ASIC2: variants seen among roughly 807,000 people sequenced by gnomAD.
ASIC2 encodes acid sensing ion channel subunit 2, also known as acid-sensing ion channel 2.
Under a neutral mutation model 57.3 loss-of-function variants are expected in ASIC2, and 25 were observed. That is an observed-to-expected ratio of 0.44 (90% confidence interval 0.32 to 0.61). The LOEUF (loss-of-function observed/expected upper bound fraction) is 0.61. Ranked by LOEUF, ASIC2 falls within the 20% of genes least tolerant of loss-of-function variation. The pLI is 0.06. For missense variants in ASIC2, 641 were observed against 738.1 expected (o/e 0.87, Z 1.52); for synonymous variants, 319 against 307.5 (o/e 1.04, Z -0.39).
chr17:33,817,616 G>T (rs956120864), intron 1 of ASIC2, among the ~76,000 whole-genome samples: 4 of 152,210 alleles, frequency 2.6e-5, no homozygotes, highest in African/African-American at 9.6e-5. Context: ...CTCCCTGAGA[G>T]CAGTTTTGTC....
chr17:33,790,296 T>C (rs1911731934), intron 1 of ASIC2, among the ~76,000 whole-genome samples: 1 of 152,180 alleles, frequency 6.6e-6, no homozygotes, highest in South Asian at 2.1e-4. Flanking sequence ...TGACCAACTA[T>C]GCTAGACAAA....
chr17:33,228,215 T>C (rs1848248309), intron 1 of ASIC2, among the ~76,000 whole-genome samples: 1 of 152,128 alleles, frequency 6.6e-6, no homozygotes. Context: ...GAAGTCTCCT[T>C]TTGGGATGAT....
chr17:33,571,182 C>T (rs1916425008), intron 1 of ASIC2, among the ~76,000 whole-genome samples: 1 of 152,152 alleles, frequency 6.6e-6, no homozygotes, highest in Non-Finnish European at 1.5e-5. Context: ...GCTATGACCT[C>T]AGGAGCCCTC....
intron 1 of ASIC2, among the ~76,000 whole-genome samples, chr17:33,770,671 T>C (rs942625599): frequency 1.2e-4 from 18 of 152,334 alleles, no homozygotes; most frequent in Middle Eastern, 3.4e-3. Flanking sequence ...ATCAAGCCCA[T>C]GGAGACAGCA....
intron 1 of ASIC2, among the ~76,000 whole-genome samples, chr17:33,896,479 C>T (rs186827561): frequency 5.6e-4 from 85 of 151,994 alleles, no homozygotes; most frequent in African/African-American, 2.0e-3. Context: ...TATGAATATT[C>T]ATTGTCAGTC....
chr17:33,966,002 G>A lies in ASIC2; in HGVS notation c.555+189976C>T, dbSNP rs566529983. Among the ~76,000 whole-genome samples, 10 of 152,314 alleles carry A rather than the reference G, an allele frequency of 6.6e-5. No individual in the cohort carries two copies. In the East Asian group the frequency reaches 1.7e-3, roughly 26 times the overall value. ...TGCAATGCTGGAAAGATGCCAGCCT[G>A]CCAAGGCCTTCACTATGCAGGCTCT... On this transcript the variant is annotated intron_variant, in intron 1 of 9. Transcript: ENST00000359872.
At chr17:33,213,316 T>C (rs450280) in intron 1 of ASIC2, among the ~76,000 whole-genome samples, 106,783 of 152,132 alleles carry the variant, frequency 0.7, 37,746 homozygotes, top group Non-Finnish European at 0.75. Context: ...CCCTGGTGGT[T>C]CGTAGATCTG....
chr17:33,671,192 G>A (rs1366871959), intron 1 of ASIC2, among the ~76,000 whole-genome samples: 1 of 152,148 alleles, frequency 6.6e-6, no homozygotes, highest in Non-Finnish European at 1.5e-5. Context: ...TCCCAAGCCT[G>A]CCTTGACCTC....
At chr17:33,848,465 A>G (rs1265738094) in intron 1 of ASIC2, among the ~76,000 whole-genome samples, 1 of 152,114 alleles carries the variant, frequency 6.6e-6, no homozygotes, top group African/African-American at 2.4e-5. Context: ...CCCAAAAGCA[A>G]CAGAGGACAG....
intron 1 of ASIC2, chr17:33,984,121 TCTGG>T (rs1376365276): frequency 6.6e-6 from 1 of 152,288 alleles, no homozygotes; most frequent in African/African-American, 2.4e-5. Flanking sequence ...ATAACCCCTT[TCTGG>T]CTGCAATCAT....
intron 1 of ASIC2, among the ~76,000 whole-genome samples, chr17:33,705,801 C>T (rs72812989): frequency 0.13 from 19,164 of 152,134 alleles, 1,277 homozygotes; most frequent in Non-Finnish European, 0.14. Context: ...TTTTAAGCCA[C>T]GAAGTCTGTG....
intron 4 of ASIC2, among the ~76,000 whole-genome samples, chr17:33,027,517 C>A (rs2091864240): frequency 6.6e-6 from 1 of 152,174 alleles, no homozygotes; most frequent in Non-Finnish European, 1.5e-5. Flanking sequence ...TTATAGTTTA[C>A]AAAATATTTT....
At chr17:33,053,349 A>G (rs2091985115) in intron 3 of ASIC2, among the ~76,000 whole-genome samples, 1 of 152,162 alleles carries the variant, frequency 6.6e-6, no homozygotes, top group Non-Finnish European at 1.5e-5. Flanking sequence ...GAAGAGCACT[A>G]ACTGCATGGA....
Position 34,152,321 on chromosome 17 carries a change from G to T in ASIC2, c.555+3657C>A, listed in dbSNP as rs963925230. 6.6e-5 allele frequency among the ~76,000 whole-genome samples: 10 copies of T among 152,118 alleles called. 1 individual carries two copies. Among genetic ancestry groups the T allele is most frequent in the Non-Finnish European group, 1.5e-4 (10 of 68,026 alleles). ...AATGTCATTTGTATTTCTGTACTTG[G>T]AGTCAGATGACCCCTAACATGATGA... On this transcript the variant is annotated intron_variant, in intron 1 of 9. Transcript: ENST00000359872.
chr17:33,878,731 C>T (rs1914618258), intron 1 of ASIC2, among the ~76,000 whole-genome samples: 1 of 152,228 alleles, frequency 6.6e-6, no homozygotes, highest in South Asian at 2.1e-4. Context: ...GGCAGGCCTA[C>T]ATTCACATTC....
intron 1 of ASIC2, among the ~76,000 whole-genome samples, chr17:33,676,428 T>C (rs1907820276): frequency 6.6e-6 from 1 of 152,216 alleles, no homozygotes; most frequent in Non-Finnish European, 1.5e-5. Flanking sequence ...GAAAAGTTCT[T>C]GAAGGAAATT....
intron 1 of ASIC2, among the ~76,000 whole-genome samples, chr17:33,135,538 C>T (rs142931499): frequency 3.3e-5 from 5 of 152,292 alleles, no homozygotes; most frequent in African/African-American, 7.2e-5. Flanking sequence ...GGGCATGTAG[C>T]GAACTCTCAA....
In ASIC2 at chr17:33,089,008, G is replaced by C. The variant is rs1202581794; in HGVS notation, c.860-18C>G. 1 of 1,613,704 alleles carries C rather than the reference G, an allele frequency of 6.2e-7. No homozygotes were observed. The highest frequency in any genetic ancestry group is 8.5e-7 in the Non-Finnish European group (1 of 1,179,820). Reference sequence around the variant, plus strand: ...CGTTTCCTCTGAAAGAACAAAGATGGACAGAGCCACGGGTCAGTAACAACA... The same window carrying C: ...CGTTTCCTCTGAAAGAACAAAGATGCACAGAGCCACGGGTCAGTAACAACA... On this transcript the variant is annotated intron_variant, in intron 2 of 9. Coordinates refer to ENST00000225823, the MANE Select transcript of ASIC2 (RefSeq NM_183377.2).
At chr17:33,825,660 A>G (rs926140228) in intron 1 of ASIC2, among the ~76,000 whole-genome samples, 6 of 152,096 alleles carry the variant, frequency 3.9e-5, no homozygotes, top group African/African-American at 1.2e-4. Flanking sequence ...TTATAATCTC[A>G]TAATGGGTTT....
Sources: allele counts gnomAD v4.1 joint callset (sites outside exome capture counted in the v4.1 genomes callset), GRCh38; gene constraint gnomAD v4.1.1; transcripts MANE v1.5; gene names NCBI Gene and HGNC (gene_info 2026-07-23, HGNC 2026-07-21).